UTRN: variants seen among roughly 807,000 people sequenced by gnomAD.
The protein encoded by UTRN is utrophin.
A neutral mutation model predicts 463.9 loss-of-function variants in UTRN; 283 were observed. The ratio of observed to expected loss-of-function variants is 0.61; its 90% CI spans 0.55 to 0.67. The LOEUF (loss-of-function observed/expected upper bound fraction) is 0.67. Ranked by LOEUF, UTRN falls within the 30% of genes least tolerant of loss-of-function variation. UTRN has a pLI of 0.00. For synonymous variants in UTRN, 1,442 were observed against 1,431.5 expected, an observed-to-expected ratio of 1.01 and a Z score of -0.17; for missense variants, 3,922 against 4,084.3, an observed-to-expected ratio of 0.96 and a Z score of 1.08.
At chr6:144,779,893 T>C (rs1253779706) in intron 60 of UTRN, among the ~76,000 whole-genome samples, 5 of 152,142 alleles carry the variant, frequency 3.3e-5, no homozygotes, top group African/African-American at 1.2e-4. Flanking sequence ...ATTTGGCATC[T>C]GAAGGAAATG....
intron 65 of UTRN, among the ~76,000 whole-genome samples, chr6:144,813,772 A>G (rs1456065702): frequency 6.6e-6 from 1 of 152,188 alleles, no homozygotes; most frequent in African/African-American, 2.4e-5. Flanking sequence ...CAGATATTTA[A>G]TGGAAAGCTG....
intron 39 of UTRN, among the ~76,000 whole-genome samples, chr6:144,518,926 G>A (rs1238471555): frequency 6.6e-6 from 1 of 152,130 alleles, no homozygotes; most frequent in East Asian, 1.9e-4. Flanking sequence ...AAAAACTACA[G>A]TGCCCAAATC....
rs138483821 is a variant in UTRN, at chr6:144,514,598, T to C, written c.5074-52T>C. On this transcript the variant is annotated intron_variant, in intron 36 of 74. Coordinates refer to ENST00000367545, the MANE Select transcript of UTRN (RefSeq NM_007124.3). ...TCCTTCTGTATAAGCATCACACTCA[T>C]GTTTGGGTTTGATTTTTCCCATGAG... 1.7e-4 allele frequency: 265 copies of C among 1,571,468 alleles called. No homozygotes were observed. In the African/African-American group the frequency reaches 3.4e-3, roughly 20 times the overall value.
chr6:144,458,064 T>C (rs1449662386), intron 19 of UTRN, among the ~76,000 whole-genome samples: 1 of 152,206 alleles, frequency 6.6e-6, no homozygotes, highest in African/African-American at 2.4e-5. Context: ...TCTCTACTTT[T>C]CAAAAATATC....
In UTRN at chr6:144,453,876, T is replaced by A. The variant is rs371411369; in HGVS notation, c.2284+7T>A. ...GTGGAGCAAATGGGAAAAGGTAAGA[T>A]CCTTGATTTTTTTCCCCTATATTTT... On this transcript the variant is annotated splice_region_variant and intron_variant, in intron 19 of 74. Coordinates refer to ENST00000367545, the MANE Select transcript of UTRN (RefSeq NM_007124.3). The A allele has an allele frequency of 1.9e-6, 3 of 1,610,014 alleles. No individual in the cohort carries two copies. The highest frequency in any genetic ancestry group is 1.7e-5 in the Admixed American group (1 of 59,580).
At chr6:144,510,918 T>C in intron 34 of UTRN, 26 bp from the exon 35 acceptor site, 8 of 1,503,820 alleles carry the variant, frequency 5.3e-6, no homozygotes, top group Non-Finnish European at 7.2e-6. Flanking sequence ...AAGCATCAAG[T>C]AGGTCTTGGT....
chr6:144,343,826 G>T (rs1340015099), intron 2 of UTRN, among the ~76,000 whole-genome samples: 5 of 152,150 alleles, frequency 3.3e-5, no homozygotes, highest in South Asian at 4.2e-4. Flanking sequence ...CAGGGCAAAC[G>T]CCTTCTAACA....
At chr6:144,555,302 G>A (rs1799278063) in intron 49 of UTRN, among the ~76,000 whole-genome samples, 1 of 152,164 alleles carries the variant, frequency 6.6e-6, no homozygotes, top group African/African-American at 2.4e-5. Flanking sequence ...CAGTTCATTT[G>A]AGGGCTACTG....
chr6:144,656,286 A>G (rs1350578635), intron 51 of UTRN, among the ~76,000 whole-genome samples: 1 of 152,176 alleles, frequency 6.6e-6, no homozygotes, highest in Non-Finnish European at 1.5e-5. Flanking sequence ...GGAGGCATCT[A>G]TTTTTTGTTT....
Position 144,291,747 on chromosome 6 carries a change from C to A in UTRN, c.-82C>A. ...CCCTTTTCCTTTTAGGTATTGATGT[C>A]AAGCTGAACCATCGTAGGAAGTTGA... is the stretch of plus-strand genomic sequence containing the variant. On this transcript the variant is annotated 5_prime_UTR_variant, in exon 2 of 75. It introduces an in-frame stop codon into an upstream open reading frame of the 5' UTR. Coordinates refer to ENST00000367545, the MANE Select transcript of UTRN (RefSeq NM_007124.3). 1 of 1,234,884 alleles carries A rather than the reference C, an allele frequency of 8.1e-7. No homozygotes were observed. The highest frequency in any genetic ancestry group is 1.1e-6 in the Non-Finnish European group (1 of 889,220). The allele number at this position is 1,234,884 out of a possible 1,614,324, so 76.5% of individuals were successfully genotyped here. A position where few individuals can be genotyped will look rare whatever the true frequency, so the allele number is the denominator to read the frequency against.
intron 2 of UTRN, among the ~76,000 whole-genome samples, chr6:144,299,211 A>G (rs1239400830): frequency 2.6e-5 from 4 of 152,196 alleles, no homozygotes; most frequent in Non-Finnish European, 5.9e-5. Context: ...AGACTCAGAT[A>G]TGTGGGGTGG....
intron 51 of UTRN, among the ~76,000 whole-genome samples, chr6:144,589,178 A>C (rs1196127264): frequency 6.6e-6 from 1 of 152,226 alleles, no homozygotes; most frequent in Non-Finnish European, 1.5e-5. Flanking sequence ...TTTGCACAAT[A>C]GACAACTATT....
intron 25 of UTRN, among the ~76,000 whole-genome samples, chr6:144,475,007 C>A (rs748056947): frequency 3.7e-4 from 57 of 152,326 alleles, no homozygotes; most frequent in Non-Finnish European, 7.3e-4. Flanking sequence ...ACATTTATGA[C>A]ACTTGCTTTA....
chr6:144,633,252 C>G (rs1776725266), intron 51 of UTRN, among the ~76,000 whole-genome samples: 1 of 127,270 alleles, frequency 7.9e-6, no homozygotes, highest in Admixed American at 8.8e-5. Context: ...TTTCCTGAGA[C>G]GGAGTCTTGC....
chr6:144,782,257 G>T (rs1775896857), intron 61 of UTRN, 134 bp downstream of exon 61: 2 of 730,264 alleles, frequency 2.7e-6, no homozygotes, highest in South Asian at 4.7e-5. Flanking sequence ...TATGTTTGTT[G>T]TTGAAACTGA....
chr6:144,394,537 T>C (rs1368220393), intron 2 of UTRN, among the ~76,000 whole-genome samples: 2 of 152,172 alleles, frequency 1.3e-5, no homozygotes, highest in East Asian at 3.9e-4. Context: ...ACAAACCATA[T>C]CAATATGTAT....
chr6:144,554,972 C>A (rs1176379380), intron 49 of UTRN, 79 bp downstream of exon 49: 2 of 1,422,980 alleles, frequency 1.4e-6, no homozygotes, highest in Non-Finnish European at 1.9e-6. Flanking sequence ...TAATTCTTAA[C>A]AATAGGACCC....
chr6:144,696,501 G>A (rs554531011), intron 52 of UTRN, among the ~76,000 whole-genome samples: 4 of 152,250 alleles, frequency 2.6e-5, no homozygotes, highest in Non-Finnish European at 4.4e-5. Flanking sequence ...TTTCAGCACC[G>A]TCAGACTGAA....
At chr6:144,354,148 G>A (rs1480984103) in intron 2 of UTRN, among the ~76,000 whole-genome samples, 2 of 152,088 alleles carry the variant, frequency 1.3e-5, no homozygotes, top group Non-Finnish European at 2.9e-5. Flanking sequence ...CTTGGGTATC[G>A]GTTTCTAGAT....
Sources: allele counts gnomAD v4.1 joint callset (sites outside exome capture counted in the v4.1 genomes callset), GRCh38; gene constraint gnomAD v4.1.1; transcripts MANE v1.5; gene names NCBI Gene and HGNC (gene_info 2026-07-23, HGNC 2026-07-21).